The following GRIA1 variants were observed in gnomAD, a reference collection of about 807,000 sequenced individuals.
GRIA1 encodes glutamate receptor 1.
GRIA1 carries 31 observed loss-of-function variants against 99.2 expected under a neutral mutation model. The observed-to-expected ratio is 0.31, with a 90% CI of 0.23 to 0.42. GRIA1 has a LOEUF of 0.42. Ranked by LOEUF, GRIA1 falls within the 10% of genes least tolerant of loss-of-function variation. The pLI is 1.00. For missense variants in GRIA1, 782 were observed against 1,157.5 expected (o/e 0.68, Z 4.71); for synonymous variants, 438 against 432.4 (o/e 1.01, Z -0.16).
At chr5:153,562,070 C>T (rs1228750245) in intron 2 of GRIA1, among the ~76,000 whole-genome samples, 1 of 150,244 alleles carries the variant, frequency 6.7e-6, no homozygotes, top group Non-Finnish European at 1.5e-5. Context: ...GGGGGTAAGA[C>T]TTTGAGAACC....
chr5:153,568,960 G>T (rs1423671233), intron 2 of GRIA1, among the ~76,000 whole-genome samples: 1 of 152,028 alleles, frequency 6.6e-6, no homozygotes, highest in Non-Finnish European at 1.5e-5. Flanking sequence ...CCTTTCTACT[G>T]CCTTCAAGGC....
chr5:153,680,142 T>C (rs1756868126), intron 7 of GRIA1, among the ~76,000 whole-genome samples: 1 of 152,066 alleles, frequency 6.6e-6, no homozygotes, highest in Non-Finnish European at 1.5e-5. Context: ...CTCTGAAACC[T>C]CAAGGGCACG....
chr5:153,664,181 G>A (rs980917694), intron 5 of GRIA1, among the ~76,000 whole-genome samples: 2 of 151,950 alleles, frequency 1.3e-5, no homozygotes, highest in African/African-American at 2.4e-5. Context: ...GGAGCTCCAG[G>A]AGACACAGGA....
intron 11 of GRIA1, among the ~76,000 whole-genome samples, chr5:153,733,370 T>G (rs1404010727): frequency 6.6e-6 from 1 of 151,800 alleles, no homozygotes; most frequent in African/African-American, 2.4e-5. Flanking sequence ...AAACCTACAG[T>G]AGGTACAAAA....
intron 2 of GRIA1, among the ~76,000 whole-genome samples, chr5:153,615,783 C>G (rs1391781414): frequency 1.3e-5 from 2 of 152,182 alleles, no homozygotes; most frequent in African/African-American, 2.4e-5. Flanking sequence ...TGATGGTACC[C>G]TTCCTCATCC....
chr5:153,675,859 A>ATTTT, intron 6 of GRIA1, among the ~76,000 whole-genome samples: 1 of 145,702 alleles, frequency 6.9e-6, no homozygotes, highest in African/African-American at 2.5e-5. Flanking sequence ...ATGTAATTTA[A>ATTTT]TTTTTTTTTT....
At chr5:153,494,413 T>C in intron 2 of GRIA1, 1 of 209,374 alleles carries the variant, frequency 4.8e-6, no homozygotes. Context: ...GAATTAAGGG[T>C]CCTGAGTTTG....
At chr5:153,548,792 C>T (rs1227877803) in intron 2 of GRIA1, among the ~76,000 whole-genome samples, 1 of 152,140 alleles carries the variant, frequency 6.6e-6, no homozygotes, top group Non-Finnish European at 1.5e-5. Context: ...TCCCTTTAGA[C>T]CTGCTATTCA....
rs533377036 is a variant in GRIA1, at chr5:153,760,641, T to C, written c.1824-3793T>C. Among the ~76,000 whole-genome samples, 30 of 152,084 alleles carry C rather than the reference T, an allele frequency of 2.0e-4. No individual in the cohort carries two copies. In the South Asian group the frequency reaches 6.0e-3, roughly 30 times the overall value. On this transcript the variant is annotated intron_variant, in intron 11 of 15. Coordinates refer to ENST00000285900, the MANE Select transcript of GRIA1 (RefSeq NM_000827.4). ...ATTCAATGCAATCCCTATCATAATG[T>C]CAACAACCTTCTTCACAAAAATAGA...
At chr5:153,799,018 A>T (rs1765823291) in intron 14 of GRIA1, among the ~76,000 whole-genome samples, 1 of 151,874 alleles carries the variant, frequency 6.6e-6, no homozygotes. Context: ...TTCACCTGTC[A>T]CTCTTCTTGG....
chr5:153,666,285 C>A (rs1354309795), intron 5 of GRIA1, among the ~76,000 whole-genome samples: 1 of 152,136 alleles, frequency 6.6e-6, no homozygotes, highest in Non-Finnish European at 1.5e-5. Flanking sequence ...TCCCTGCCCT[C>A]CAGGAGCTCA....
chr5:153,715,082 C>G (rs1017033672), intron 11 of GRIA1, among the ~76,000 whole-genome samples: 1 of 152,218 alleles, frequency 6.6e-6, no homozygotes. Context: ...GAAGCTCAAT[C>G]TCAGCTACTA....
At chr5:153,683,483 C>G (rs1277934240) in intron 7 of GRIA1, among the ~76,000 whole-genome samples, 1 of 152,206 alleles carries the variant, frequency 6.6e-6, no homozygotes, top group African/African-American at 2.4e-5. Context: ...AACGTCTGCT[C>G]TGGCTACTCA....
chr5:153,525,262 T>G (rs1757490802), intron 2 of GRIA1: 1 of 152,238 alleles, frequency 6.6e-6, no homozygotes, highest in Admixed American at 6.5e-5. Context: ...GAGACACTTT[T>G]AAGTGTCACA....
Position 153,631,871 on chromosome 5 carries a change from C to T in GRIA1, c.221-15057C>T, listed in dbSNP as rs535059952. 1.8e-4 allele frequency among the ~76,000 whole-genome samples: 27 copies of T among 152,002 alleles called. No homozygotes were observed. The East Asian group carries it at 4.9e-3, about 27-fold the overall frequency. The stretch of plus-strand genomic sequence containing the variant: ...GTGGTCCTTGCAAGATAACAAGAAG[C>T]CAGCCAAGCAAAAGTAGGGGAGAAG... On this transcript the variant is annotated intron_variant, in intron 2 of 15. Transcript: ENST00000285900.
At chr5:153,503,515 A>G (rs549913303) in intron 2 of GRIA1, among the ~76,000 whole-genome samples, 2 of 152,374 alleles carry the variant, frequency 1.3e-5, no homozygotes, top group South Asian at 4.1e-4. Flanking sequence ...AATGCACATA[A>G]GTAAAATGTA....
chr5:153,676,719 T>C (rs1756611785), intron 6 of GRIA1, among the ~76,000 whole-genome samples: 3 of 152,152 alleles, frequency 2.0e-5, no homozygotes, highest in Admixed American at 1.3e-4. Flanking sequence ...GAATCCTGGC[T>C]TCTCTTCAAA....
At chr5:153,677,222 T>C in intron 7 of GRIA1, 61 bp downstream of exon 7, 1 of 1,295,078 alleles carries the variant, frequency 7.7e-7, no homozygotes, top group East Asian at 2.8e-5. Flanking sequence ...CAGCATCAAA[T>C]TCCAATAAAA....
At chr5:153,602,260 C>T (rs1343829752) in intron 2 of GRIA1, among the ~76,000 whole-genome samples, 2 of 152,012 alleles carry the variant, frequency 1.3e-5, no homozygotes, top group Non-Finnish European at 1.5e-5. Context: ...AATCATCATT[C>T]TCAGTAAACT....
Sources: allele counts gnomAD v4.1 joint callset (sites outside exome capture counted in the v4.1 genomes callset), GRCh38; gene constraint gnomAD v4.1.1; transcripts MANE v1.5; gene names NCBI Gene and HGNC (gene_info 2026-07-23, HGNC 2026-07-21).